OPCML: variants seen among roughly 807,000 people sequenced by gnomAD.
OPCML encodes the protein opioid binding protein/cell adhesion molecule like.
In OPCML, 13 loss-of-function variants were observed where a neutral mutation model predicts 37.8. That is an observed-to-expected ratio of 0.34 (90% CI 0.22 to 0.55). The LOEUF (loss-of-function observed/expected upper bound fraction) is 0.55. OPCML is among the 20% of genes least tolerant of loss of function. The pLI is 0.91. For missense variants in OPCML, 341 were observed against 435.6 expected, an observed-to-expected ratio of 0.78 and a Z score of 1.93; for synonymous variants, 176 against 168.8, an observed-to-expected ratio of 1.04 and a Z score of -0.33.
At chr11:132,934,714 C>G (rs1406697661) in intron 2 of OPCML, among the ~76,000 whole-genome samples, 1 of 152,188 alleles carries the variant, frequency 6.6e-6, no homozygotes, top group Non-Finnish European at 1.5e-5. Context: ...GAATATCTCT[C>G]TGCTACTCTC....
rs58808691 is a variant in OPCML at position 133,440,762 on chromosome 11, T to TTATA, written c.61+91498_61+91501dup. On this transcript the variant is annotated intron_variant, in intron 1 of 7. Coordinates refer to ENST00000524381, the MANE Select transcript of OPCML (RefSeq NM_001012393.5). ...AAAAAAAAACAGAAACCTACAGCAA[T>TTATA]TATATATATATATATATATCTGTGT... Among the ~76,000 whole-genome samples, 27 of 126,952 alleles carry TTATA rather than the reference T, an allele frequency of 2.1e-4. 1 individual carries two copies. The South Asian group carries it at 4.5e-3, about 21-fold the overall frequency. The allele number at this position is 126,952 out of a possible 152,430, so 83.3% of individuals were successfully genotyped here. A position where few individuals can be genotyped will look rare whatever the true frequency, so the allele number is the denominator to read the frequency against.
rs79951620 is a variant in OPCML, at chr11:132,430,348, G to A, written c.916+5738C>T. ...CGATGAGGGCTCTGCCCATGGGTGGGATGGTTTCCCATGAGAAGGAGGTCA... is the reference window on the plus strand; with the variant it reads ...CGATGAGGGCTCTGCCCATGGGTGGAATGGTTTCCCATGAGAAGGAGGTCA... On this transcript the variant is annotated intron_variant, in intron 7 of 7. Coordinates refer to ENST00000524381, the MANE Select transcript of OPCML (RefSeq NM_001012393.5). Among the ~76,000 whole-genome samples the A allele has an allele frequency of 7.6e-3, 1,158 of 152,308 alleles. 17 individuals are homozygous for A. The highest frequency in any genetic ancestry group is 0.027 in the African/African-American group (1,122 of 41,564).
intron 2 of OPCML, among the ~76,000 whole-genome samples, chr11:132,700,145 G>C (rs1433638039): frequency 6.6e-6 from 1 of 151,848 alleles, no homozygotes; most frequent in Non-Finnish European, 1.5e-5. Context: ...TCTGTAAACT[G>C]TATTGTGTAC....
chr11:132,741,789 G>A (rs1310121334), intron 2 of OPCML, among the ~76,000 whole-genome samples: 1 of 152,118 alleles, frequency 6.6e-6, no homozygotes, highest in African/African-American at 2.4e-5. Context: ...CACTTTGGGA[G>A]GCCGAGGCAA....
chr11:133,438,512 G>A (rs1346342834), intron 1 of OPCML, among the ~76,000 whole-genome samples: 1 of 152,136 alleles, frequency 6.6e-6, no homozygotes, highest in Non-Finnish European at 1.5e-5. Context: ...GTACAAGAGG[G>A]CTCCTGAAAT....
At chr11:133,187,731 G>A (rs1331088294) in intron 1 of OPCML, among the ~76,000 whole-genome samples, 3 of 152,180 alleles carry the variant, frequency 2.0e-5, no homozygotes, top group Non-Finnish European at 4.4e-5. Context: ...CTCTTTCCCA[G>A]TGTTAGGTAT....
Position 133,173,809 on chromosome 11 carries a change from A to G in OPCML, c.62-230799T>C, listed in dbSNP as rs1314014810. On this transcript the variant is annotated intron_variant, in intron 1 of 7. Transcript: ENST00000524381. The surrounding 1 kb of genome is among the most constrained non-coding windows in gnomAD (Gnocchi z 7.8). Reference sequence around the variant, plus strand: ...TCCCCATCCCAGCTTCCATAGCAATACGACAGAGCCTAAAGATGCAGGCCT... The same window carrying G: ...TCCCCATCCCAGCTTCCATAGCAATGCGACAGAGCCTAAAGATGCAGGCCT... Among the ~76,000 whole-genome samples, 2 of 152,200 alleles carry G rather than the reference A, an allele frequency of 1.3e-5. No individual in the cohort carries two copies. The highest frequency in any genetic ancestry group is 1.9e-4 in the East Asian group (1 of 5,192).
chr11:132,773,924 A>C (rs1218821602), intron 2 of OPCML, among the ~76,000 whole-genome samples: 1 of 152,222 alleles, frequency 6.6e-6, no homozygotes, highest in Non-Finnish European at 1.5e-5. Context: ...ATTACTGCAC[A>C]TGCACATTTT....
intron 4 of OPCML, among the ~76,000 whole-genome samples, chr11:132,439,405 C>T (rs1402910436): frequency 1.3e-5 from 2 of 152,252 alleles, no homozygotes; most frequent in African/African-American, 4.8e-5. Context: ...TGGGTTAAGC[C>T]GGCATTTGCT....
intron 1 of OPCML, among the ~76,000 whole-genome samples, chr11:133,162,914 C>T (rs1241393496): frequency 6.6e-6 from 1 of 152,160 alleles, no homozygotes; most frequent in Non-Finnish European, 1.5e-5. Flanking sequence ...TGAATCTTGA[C>T]GCTGCTAGTA....
At chr11:132,974,841 G>C (rs563698477) in intron 1 of OPCML, among the ~76,000 whole-genome samples, 4 of 151,516 alleles carry the variant, frequency 2.6e-5, no homozygotes, top group African/African-American at 9.7e-5. Flanking sequence ...TTTTCTCTTT[G>C]TTTTCATTGC....
chr11:133,046,399 C>T (rs543827402), intron 1 of OPCML, among the ~76,000 whole-genome samples: 155 of 152,288 alleles, frequency 1.0e-3, no homozygotes, highest in South Asian at 3.1e-3. Flanking sequence ...CGTATCCTGA[C>T]GCCCTTTCTG....
rs1481888621 is a variant in OPCML, at chr11:133,158,828, C to A, written c.62-215818G>T. Reference sequence around the variant, plus strand: ...AAAGGGGAAGGAAATCCTGAAGAACCCCTCTCAGGGAGGGCTGACTGCTTT... The same window carrying A: ...AAAGGGGAAGGAAATCCTGAAGAACACCTCTCAGGGAGGGCTGACTGCTTT... On this transcript the variant is annotated intron_variant, in intron 1 of 7. Transcript: ENST00000524381. 2.0e-5 allele frequency among the ~76,000 whole-genome samples: 3 copies of A among 151,668 alleles called. No individual in the cohort carries two copies. In the South Asian group the frequency reaches 6.2e-4, roughly 32 times the overall value.
chr11:132,563,829 A>G (rs1282346177), intron 3 of OPCML, among the ~76,000 whole-genome samples: 1 of 152,190 alleles, frequency 6.6e-6, no homozygotes, highest in Non-Finnish European at 1.5e-5. Flanking sequence ...GAAAAACTTC[A>G]CTGACAGCAT....
At chr11:133,519,560 C>T (rs969993304) in intron 1 of OPCML, among the ~76,000 whole-genome samples, 9 of 152,072 alleles carry the variant, frequency 5.9e-5, no homozygotes, top group Non-Finnish European at 8.8e-5. Flanking sequence ...TTATAAGATG[C>T]TTTTACCAGG....
At chr11:132,811,359 A>C (rs1939329764) in intron 2 of OPCML, among the ~76,000 whole-genome samples, 1 of 152,168 alleles carries the variant, frequency 6.6e-6, no homozygotes, top group Non-Finnish European at 1.5e-5. Context: ...AATTCATTGA[A>C]TCACAGGTGC....
At chr11:133,505,081 G>A (rs1212380222) in intron 1 of OPCML, among the ~76,000 whole-genome samples, 4 of 152,200 alleles carry the variant, frequency 2.6e-5, no homozygotes, top group African/African-American at 4.8e-5. Flanking sequence ...CAGGCTCTCC[G>A]GGTGCCTCAC....
intron 1 of OPCML, among the ~76,000 whole-genome samples, chr11:133,045,062 T>C (rs2136953985): frequency 6.6e-6 from 1 of 152,312 alleles, no homozygotes; most frequent in South Asian, 2.1e-4. Context: ...GCTACTGTCC[T>C]AGAGCTGGTT....
intron 1 of OPCML, among the ~76,000 whole-genome samples, chr11:133,095,117 C>T (rs763128693): frequency 1.3e-5 from 2 of 151,860 alleles, no homozygotes; most frequent in Admixed American, 6.6e-5. Flanking sequence ...GCATATTAAT[C>T]ATGTAGCTGT....
Sources: allele counts gnomAD v4.1 joint callset (sites outside exome capture counted in the v4.1 genomes callset), GRCh38; gene constraint gnomAD v4.1.1; non-coding constraint Gnocchi (gnomAD v3.1); transcripts MANE v1.5; gene names NCBI Gene and HGNC (gene_info 2026-07-23, HGNC 2026-07-21).